UQCC6: variants seen among roughly 807,000 people sequenced by gnomAD.
UQCC6 encodes the protein ubiquinol-cytochrome c reductase complex assembly factor 6, also known as protein BRAWNIN.
the UQCC6 span, among the ~76,000 whole-genome samples, chr12:103,964,302 G>A: frequency 6.6e-6 from 1 of 152,110 alleles, no homozygotes; most frequent in East Asian, 1.9e-4. Flanking sequence ...ACAGGTGACA[G>A]AGATGGGGTT....
the UQCC6 span, among the ~76,000 whole-genome samples, chr12:103,953,956 A>G: frequency 6.6e-6 from 1 of 152,184 alleles, no homozygotes; most frequent in Non-Finnish European, 1.5e-5. Context: ...GGTTCTTGTC[A>G]CTTTGTCTCC....
At chr12:103,961,706 G>A in the UQCC6 span, among the ~76,000 whole-genome samples, 19 of 151,956 alleles carry the variant, frequency 1.3e-4, no homozygotes, top group Non-Finnish European at 2.2e-4. Flanking sequence ...ACAGGTGCCC[G>A]CCACTACGCC....
At chr12:103,956,678 T>C in the UQCC6 span, 1 of 1,551,570 alleles carries the variant, frequency 6.4e-7, no homozygotes, top group Non-Finnish European at 8.7e-7. Context: ...CCTGCGCACA[T>C]GGCCAGGAGA....
chr12:103,952,786 T>C, the UQCC6 span, among the ~76,000 whole-genome samples: 2 of 152,346 alleles, frequency 1.3e-5, no homozygotes, highest in East Asian at 3.9e-4. Context: ...CATCTTTCTG[T>C]GTGCTTACTG....
chr12:103,958,591 C>T, the UQCC6 span, among the ~76,000 whole-genome samples: 1 of 152,168 alleles, frequency 6.6e-6, no homozygotes. Context: ...TTTCATGCAG[C>T]TCAGTTATTT....
the UQCC6 span, among the ~76,000 whole-genome samples, chr12:103,951,909 T>G: frequency 1.3e-5 from 2 of 152,204 alleles, no homozygotes; most frequent in African/African-American, 2.4e-5. Context: ...TTCACAGCTT[T>G]GAATAAAACT....
the UQCC6 span, chr12:103,954,774 A>G: frequency 5.3e-6 from 3 of 565,200 alleles, no homozygotes; most frequent in East Asian, 2.9e-5. Context: ...AGGTTATAAG[A>G]GGGGGGATTT....
the UQCC6 span, chr12:103,956,700 C>T: frequency 6.4e-7 from 1 of 1,551,730 alleles, no homozygotes; most frequent in Non-Finnish European, 8.7e-7. Flanking sequence ...TGGCTGCGAA[C>T]ATTTTCAGGT....
At chr12:103,953,339 T>G in the UQCC6 span, 1 of 701,162 alleles carries the variant, frequency 1.4e-6, no homozygotes, top group Non-Finnish European at 2.6e-6. Context: ...GGATGACTCC[T>G]AGCTTTCAAC....
At chr12:103,954,316 T>C in the UQCC6 span, among the ~76,000 whole-genome samples, 2 of 33,542 alleles carry the variant, frequency 6.0e-5, no homozygotes, top group Non-Finnish European at 1.1e-4. Flanking sequence ...TGAGGCTGGG[T>C]AATTTATAAA....
At chr12:103,955,083 G>A in the UQCC6 span, 1 of 617,096 alleles carries the variant, frequency 1.6e-6, no homozygotes, top group Non-Finnish European at 2.9e-6. Context: ...GGGAGGCAGA[G>A]GCGGGCGGAT....
At chr12:103,961,177 A>G in the UQCC6 span, among the ~76,000 whole-genome samples, 6 of 85,326 alleles carry the variant, frequency 7.0e-5, no homozygotes, top group African/African-American at 2.5e-4. Flanking sequence ...AAATTTTTAA[A>G]AGTAAAAAAA....
chr12:103,961,481 C>A, the UQCC6 span, among the ~76,000 whole-genome samples: 1 of 152,176 alleles, frequency 6.6e-6, no homozygotes, highest in Non-Finnish European at 1.5e-5. Flanking sequence ...AGGAGTTCTG[C>A]AAACTCCATT....
chr12:103,954,786 C>T, the UQCC6 span: 3 of 567,654 alleles, frequency 5.3e-6, no homozygotes, highest in African/African-American at 5.7e-5. Flanking sequence ...GGGGGATTTT[C>T]ACTTTTTACT....
At chr12:103,963,074 C>CTTT in the UQCC6 span, among the ~76,000 whole-genome samples, 13 of 138,232 alleles carry the variant, frequency 9.4e-5, no homozygotes, top group Admixed American at 1.4e-4. Flanking sequence ...TAATACTACA[C>CTTT]TTTTTTTTTT....
chr12:103,958,564 A>AT, the UQCC6 span, among the ~76,000 whole-genome samples: 1 of 152,066 alleles, frequency 6.6e-6, no homozygotes, highest in Non-Finnish European at 1.5e-5. Context: ...CGTATGTACT[A>AT]TTTTTTGTGT....
the UQCC6 span, among the ~76,000 whole-genome samples, chr12:103,963,290 G>A: frequency 5.7e-3 from 870 of 152,218 alleles, 7 homozygotes; most frequent in Non-Finnish European, 0.01. Context: ...TGGCCAGGCC[G>A]TTCTCGAACT....
the UQCC6 span, among the ~76,000 whole-genome samples, chr12:103,958,995 T>G: frequency 2.0e-5 from 3 of 152,212 alleles, no homozygotes; most frequent in Non-Finnish European, 2.9e-5. Flanking sequence ...TTACACCCTC[T>G]GTAAAAAGTG....
At chr12:103,956,749 C>G in the UQCC6 span, 1 of 1,542,836 alleles carries the variant, frequency 6.5e-7, no homozygotes, top group East Asian at 2.4e-5. Flanking sequence ...GGTCGGCAGG[C>G]TGGACGGGGA....
Sources: allele counts gnomAD v4.1 joint callset (sites outside exome capture counted in the v4.1 genomes callset), GRCh38; gene constraint gnomAD v4.1.1; transcripts MANE v1.5; gene names NCBI Gene and HGNC (gene_info 2026-07-23, HGNC 2026-07-21).